FRMD5: variants seen among roughly 807,000 people sequenced by gnomAD.
FRMD5 encodes FERM domain-containing protein 5.
In FRMD5, 20 loss-of-function variants were observed where a neutral mutation model predicts 69.0. That is an observed-to-expected ratio of 0.29 (90% CI 0.20 to 0.42). The LOEUF is 0.42. FRMD5 is among the 10% of genes least tolerant of loss of function. FRMD5 has a pLI of 1.00. For missense variants in FRMD5, 595 were observed against 708.6 expected, an observed-to-expected ratio of 0.84 and a Z score of 1.82; for synonymous variants, 271 against 260.1, an observed-to-expected ratio of 1.04 and a Z score of -0.40.
intron 4 of FRMD5, chr15:43,919,190 T>G: frequency 3.5e-6 from 2 of 571,084 alleles, no homozygotes; most frequent in Non-Finnish European, 6.8e-6. Context: ...ACGCTTCTGA[T>G]TAGTTACTCC....
At chr15:44,070,629 A>C (rs1893501964) in intron 1 of FRMD5, among the ~76,000 whole-genome samples, 1 of 152,208 alleles carries the variant, frequency 6.6e-6, no homozygotes, top group Non-Finnish European at 1.5e-5. Context: ...GCCACACTTG[A>C]CATGGTAGCT....
intron 1 of FRMD5, among the ~76,000 whole-genome samples, chr15:44,051,525 G>C (rs1892666909): frequency 6.6e-6 from 1 of 151,570 alleles, no homozygotes; most frequent in Admixed American, 6.6e-5. Context: ...TCTTACATTA[G>C]TACAGCACAT....
chr15:44,007,736 C>G (rs1890522758), intron 1 of FRMD5, among the ~76,000 whole-genome samples: 1 of 144,194 alleles, frequency 6.9e-6, no homozygotes, highest in African/African-American at 2.6e-5. Flanking sequence ...ACCTCCATCT[C>G]CCGGGTTCAA....
chr15:44,003,875 A>T (rs1286541469), intron 1 of FRMD5, among the ~76,000 whole-genome samples: 4 of 152,126 alleles, frequency 2.6e-5, no homozygotes, highest in Non-Finnish European at 5.9e-5. Context: ...CCCCTGGATC[A>T]CTGCTAGAAT....
intron 1 of FRMD5, among the ~76,000 whole-genome samples, chr15:44,140,873 A>AAT (rs1555408152): frequency 9.0e-6 from 1 of 111,294 alleles, no homozygotes; most frequent in African/African-American, 3.5e-5. Context: ...ACAGAGTGAG[A>AAT]CTGTCTCAAA....
At chr15:44,036,487 C>T (rs1169652114) in intron 1 of FRMD5, among the ~76,000 whole-genome samples, 1 of 152,160 alleles carries the variant, frequency 6.6e-6, no homozygotes, top group Non-Finnish European at 1.5e-5. Flanking sequence ...GGCTCAAATT[C>T]TCATACTGCT....
At chr15:44,143,636 T>G (rs746501701) in intron 1 of FRMD5, among the ~76,000 whole-genome samples, 1 of 150,754 alleles carries the variant, frequency 6.6e-6, no homozygotes, top group Non-Finnish European at 1.5e-5. Flanking sequence ...TAGAAAGTAT[T>G]ATCTTTCGGC....
intron 2 of FRMD5, among the ~76,000 whole-genome samples, chr15:43,920,052 T>C (rs1239892612): frequency 3.9e-5 from 6 of 152,188 alleles, no homozygotes; most frequent in Non-Finnish European, 5.9e-5. Flanking sequence ...TCCCTGGAAA[T>C]GCTGTCTTCT....
At chr15:44,056,556 G>C (rs2140363265) in intron 1 of FRMD5, among the ~76,000 whole-genome samples, 1 of 152,248 alleles carries the variant, frequency 6.6e-6, no homozygotes, top group Non-Finnish European at 1.5e-5. Flanking sequence ...AGGAGAACAA[G>C]TTTCCTAATG....
intron 1 of FRMD5, among the ~76,000 whole-genome samples, chr15:44,190,499 G>T (rs1307300927): frequency 8.3e-6 from 1 of 121,172 alleles, no homozygotes; most frequent in African/African-American, 5.6e-5. Context: ...TGGAGGCAGG[G>T]GGACCTGAAA....
intron 1 of FRMD5, among the ~76,000 whole-genome samples, chr15:44,121,141 A>G (rs2076943769): frequency 1.5e-5 from 1 of 66,226 alleles, no homozygotes; most frequent in African/African-American, 3.2e-5. Context: ...AGGGGAAAAG[A>G]GTAGTAATTA....
intron 1 of FRMD5, among the ~76,000 whole-genome samples, chr15:44,103,084 A>T (rs934476663): frequency 7.9e-5 from 12 of 152,220 alleles, no homozygotes; most frequent in Admixed American, 2.6e-4. Context: ...CACATGGTCA[A>T]TTAGGAAGAA....
At chr15:44,147,362 C>A in intron 1 of FRMD5, among the ~76,000 whole-genome samples, 1 of 152,036 alleles carries the variant, frequency 6.6e-6, no homozygotes, top group East Asian at 1.9e-4. Context: ...TGTCTGTTTT[C>A]ATAACAGTAC....
chr15:44,126,360 G>T (rs1029635860), intron 1 of FRMD5, among the ~76,000 whole-genome samples: 2 of 152,128 alleles, frequency 1.3e-5, no homozygotes, highest in African/African-American at 4.8e-5. Flanking sequence ...AATTACTTTA[G>T]ATCAAACTTC....
chr15:43,928,005 A>C (rs935942656), intron 1 of FRMD5, among the ~76,000 whole-genome samples: 1 of 152,184 alleles, frequency 6.6e-6, no homozygotes, highest in Non-Finnish European at 1.5e-5. Context: ...GGTAGATCCA[A>C]CTTCAGATTT....
rs764175865 is a variant in FRMD5 at position 43,873,174 on chromosome 15, A to C, written c.*711T>G. 41 of 1,550,230 alleles carry C rather than the reference A, an allele frequency of 2.6e-5. No homozygotes were observed. The highest frequency in any genetic ancestry group is 3.9e-5 in the Admixed American group (2 of 50,974). ...TAGACTAAGGGGACAGACTTACCCCACCCCTGATGCTGCTGTTGCTGTAGC... is the reference window on the plus strand; with the variant it reads ...TAGACTAAGGGGACAGACTTACCCCCCCCCTGATGCTGCTGTTGCTGTAGC... On this transcript the variant is annotated 3_prime_UTR_variant, in exon 14 of 14. Coordinates refer to ENST00000417257, the MANE Select transcript of FRMD5 (RefSeq NM_032892.5).
chr15:44,180,198 T>C (rs1285673895), intron 1 of FRMD5, among the ~76,000 whole-genome samples: 1 of 152,130 alleles, frequency 6.6e-6, no homozygotes, highest in African/African-American at 2.4e-5. Context: ...ATTGCACTCA[T>C]CTGTAATTAC....
rs940663892 is a variant in FRMD5 at position 43,884,790 on chromosome 15, C to T, written c.965G>A (p.Arg322Gln). 8 of 1,613,902 alleles carry T rather than the reference C, an allele frequency of 5.0e-6. No individual in the cohort carries two copies. The highest frequency in any genetic ancestry group is 6.8e-6 in the Non-Finnish European group (8 of 1,179,890). Residue 322 changes from arginine (R) to glutamine (Q), a missense_variant, in exon 12 of 14, where the codon CGA becomes CAA. By Grantham distance (43) the Arg-to-Gln change is conservative. Transcript: ENST00000417257. ...TGATTCCATGACTTCCTTTGCAACT[C>T]GGCCACTGTAAGTAGTGTAATAAAA... ...FKGSRFRYSG[R>Q]VAKEVMESSA...
At chr15:44,115,973 G>A (rs1052305031) in intron 1 of FRMD5, among the ~76,000 whole-genome samples, 9 of 152,106 alleles carry the variant, frequency 5.9e-5, no homozygotes, top group Admixed American at 5.2e-4. Context: ...ACTGATCAAA[G>A]CAACTAATGT....
Sources: allele counts gnomAD v4.1 joint callset (sites outside exome capture counted in the v4.1 genomes callset), GRCh38; gene constraint gnomAD v4.1.1; transcripts MANE v1.5; gene names NCBI Gene and HGNC (gene_info 2026-07-23, HGNC 2026-07-21).